STK32B: variants seen among roughly 807,000 people sequenced by gnomAD.
STK32B encodes the protein serine/threonine-protein kinase 32B.
STK32B carries 43 observed loss-of-function variants against 52.6 expected under a neutral mutation model. That is an observed-to-expected ratio of 0.82 (90% confidence interval 0.64 to 1.05). The LOEUF is 1.05. STK32B is among the 50% of genes least tolerant of loss of function. STK32B has a pLI of 0.00. For synonymous variants in STK32B, 238 were observed against 204.3 expected (o/e 1.17, Z -1.41); for missense variants, 621 against 534.6 (o/e 1.16, Z -1.59).
At chr4:5,287,551 A>T (rs1728633254) in intron 3 of STK32B, among the ~76,000 whole-genome samples, 1 of 152,162 alleles carries the variant, frequency 6.6e-6, no homozygotes, top group Non-Finnish European at 1.5e-5. Flanking sequence ...ATGAGTGTAC[A>T]GTGAAATGTC....
At chr4:5,245,468 G>T (rs1725374399) in intron 3 of STK32B, among the ~76,000 whole-genome samples, 1 of 151,190 alleles carries the variant, frequency 6.6e-6, no homozygotes, top group African/African-American at 2.4e-5. Flanking sequence ...GAGCCTACGT[G>T]AGCACGTGAG....
chr4:5,478,664 C>A (rs760139088), intron 11 of STK32B, among the ~76,000 whole-genome samples: 3 of 152,208 alleles, frequency 2.0e-5, no homozygotes, highest in Non-Finnish European at 4.4e-5. Context: ...AATTTACTTA[C>A]AAAGAATCGT....
intron 3 of STK32B, among the ~76,000 whole-genome samples, chr4:5,302,815 C>G (rs1038982878): frequency 7.9e-5 from 12 of 151,888 alleles, no homozygotes; most frequent in Non-Finnish European, 1.8e-4. Context: ...TTTGCATCCT[C>G]ATAGCTTAGC....
chr4:5,219,871 T>G (rs1475804119), intron 3 of STK32B, among the ~76,000 whole-genome samples: 2 of 152,140 alleles, frequency 1.3e-5, no homozygotes, highest in African/African-American at 4.8e-5. Flanking sequence ...AGATTGTTGC[T>G]TTGGTGCAGG....
At chr4:5,321,810 C>A (rs867118669) in intron 3 of STK32B, among the ~76,000 whole-genome samples, 1 of 152,230 alleles carries the variant, frequency 6.6e-6, no homozygotes, top group Non-Finnish European at 1.5e-5. Context: ...CTCCTGCCCC[C>A]AACTGCCTCT....
intron 11 of STK32B, among the ~76,000 whole-genome samples, chr4:5,494,263 C>T (rs1039329389): frequency 1.1e-4 from 17 of 152,258 alleles, no homozygotes; most frequent in African/African-American, 4.1e-4. Flanking sequence ...CTGGGTGCTC[C>T]TGTATTGGGT....
chr4:5,104,722 C>T (rs1714005513), intron 1 of STK32B, among the ~76,000 whole-genome samples: 1 of 152,150 alleles, frequency 6.6e-6, no homozygotes, highest in Non-Finnish European at 1.5e-5. Flanking sequence ...CAAATTGTAA[C>T]ACGACTGCTT....
chr4:5,382,982 A>G (rs781045928), intron 4 of STK32B, among the ~76,000 whole-genome samples: 3 of 152,106 alleles, frequency 2.0e-5, no homozygotes, highest in Non-Finnish European at 4.4e-5. Flanking sequence ...CTTGGAGGAT[A>G]CTCACAGAGA....
intron 1 of STK32B, among the ~76,000 whole-genome samples, chr4:5,091,889 TA>T (rs1347905731): frequency 2.6e-5 from 4 of 152,236 alleles, no homozygotes; most frequent in African/African-American, 9.6e-5. Flanking sequence ...GAAGTACTGA[TA>T]CATACAGCAA....
At chr4:5,198,165 T>G (rs887565353) in intron 3 of STK32B, among the ~76,000 whole-genome samples, 35 of 152,200 alleles carry the variant, frequency 2.3e-4, no homozygotes, top group Non-Finnish European at 4.7e-4. Context: ...CTTCTCAAAG[T>G]TAGCTATTAT....
intron 4 of STK32B, among the ~76,000 whole-genome samples, chr4:5,369,863 A>AT (rs200885526): frequency 2.3e-3 from 331 of 145,002 alleles, no homozygotes; most frequent in African/African-American, 8.2e-3. Context: ...CAAAGAGTAT[A>AT]TTTTTTTTGT....
At chr4:5,342,231 C>G (rs145847064) in intron 4 of STK32B, among the ~76,000 whole-genome samples, 102 of 152,246 alleles carry the variant, frequency 6.7e-4, no homozygotes, top group African/African-American at 2.2e-3. Context: ...AATCATGCTA[C>G]TATAAAGACA....
chr4:5,353,301 T>G (rs942055913), intron 4 of STK32B, among the ~76,000 whole-genome samples: 4 of 147,358 alleles, frequency 2.7e-5, no homozygotes, highest in Non-Finnish European at 2.9e-5. Flanking sequence ...ATAAAACTAC[T>G]GGAAGAAAAC....
chr4:5,104,887 C>A (rs1714014076), intron 1 of STK32B, among the ~76,000 whole-genome samples: 1 of 152,164 alleles, frequency 6.6e-6, no homozygotes, highest in African/African-American at 2.4e-5. Flanking sequence ...CATTGTAGGA[C>A]TATACTACAT....
rs1345989280 is a variant in STK32B at position 5,058,154 on chromosome 4, G to A, written c.52+6239G>A. On this transcript the variant is annotated intron_variant, in intron 1 of 11. Coordinates refer to ENST00000282908, the MANE Select transcript of STK32B (RefSeq NM_018401.3). The surrounding 1 kb of genome is among the most constrained non-coding windows in gnomAD (Gnocchi z 4.8). ...TTCATCTCTCACAAGTGCTCCATCT[G>A]TGAAGTCATCAATATAAATATCTCA... Among the ~76,000 whole-genome samples, 1 of 152,172 alleles carries A rather than the reference G, an allele frequency of 6.6e-6. No individual in the cohort carries two copies. The highest frequency in any genetic ancestry group is 2.4e-5 in the African/African-American group (1 of 41,426).
At chr4:5,074,166 C>T (rs746534036) in intron 1 of STK32B, among the ~76,000 whole-genome samples, 1 of 142,018 alleles carries the variant, frequency 7.0e-6, no homozygotes, top group South Asian at 2.2e-4. Flanking sequence ...ACCGGAGATT[C>T]TGTTCATTTG....
At chr4:5,333,403 A>G (rs1475457367) in intron 4 of STK32B, among the ~76,000 whole-genome samples, 3 of 152,148 alleles carry the variant, frequency 2.0e-5, no homozygotes, top group African/African-American at 7.2e-5. Context: ...GTAGGTTGGG[A>G]AAATGTTCTC....
At position 5,096,894 on chromosome 4, in the gene STK32B, C is replaced by A. The variant is rs139837486; in HGVS notation, c.53-43011C>A. ...GAGGAAAACACTAATGTTTATGGAGCTCCTGCTAAGTGCCAGGCACTCCAC... is the reference window on the plus strand; with the variant it reads ...GAGGAAAACACTAATGTTTATGGAGATCCTGCTAAGTGCCAGGCACTCCAC... On this transcript the variant is annotated intron_variant, in intron 1 of 11. Transcript: ENST00000282908. Among the ~76,000 whole-genome samples, 972 of 152,332 alleles carry A rather than the reference C, an allele frequency of 6.4e-3. 16 individuals are homozygous for A. Among genetic ancestry groups the A allele is most frequent in the African/African-American group, 0.022 (922 of 41,572 alleles).
intron 3 of STK32B, among the ~76,000 whole-genome samples, chr4:5,312,059 A>C (rs1188710823): frequency 6.6e-6 from 1 of 151,630 alleles, no homozygotes; most frequent in African/African-American, 2.4e-5. Context: ...TAACAGAAGT[A>C]ATCAATGTTA....
Sources: allele counts gnomAD v4.1 joint callset (sites outside exome capture counted in the v4.1 genomes callset), GRCh38; gene constraint gnomAD v4.1.1; non-coding constraint Gnocchi (gnomAD v3.1); transcripts MANE v1.5; gene names NCBI Gene and HGNC (gene_info 2026-07-23, HGNC 2026-07-21).